Variants in PIR observed in about 807,000 individuals in gnomAD.
PIR encodes pirin.
PIR carries 22 observed loss-of-function variants against 24.2 expected under a neutral mutation model. That is an observed-to-expected ratio of 0.91 (90% CI 0.65 to 1.30). The LOEUF (loss-of-function observed/expected upper bound fraction) is 1.30, where lower values mean the gene tolerates loss of function less well. Among genes scored for constraint, PIR ranks in the 50% most tolerant of loss-of-function variants. The pLI is 0.00. For synonymous variants in PIR, 80 were observed against 79.6 expected, an observed-to-expected ratio of 1.00 and a Z score of -0.03; for missense variants, 220 against 220.3, an observed-to-expected ratio of 1.00 and a Z score of 0.01.
At chrX:15,399,598 G>A (rs930264470) in intron 7 of PIR, among the ~76,000 whole-genome samples, 2 of 112,084 alleles carry the variant, frequency 1.8e-5, no homozygotes, top group Non-Finnish European at 3.8e-5. Context: ...AATCATGAAT[G>A]TAGCCAACAA....
chrX:15,442,658 G>A (rs1925956622), intron 5 of PIR, among the ~76,000 whole-genome samples: 1 of 111,944 alleles, frequency 8.9e-6, no homozygotes, highest in Non-Finnish European at 1.9e-5. Context: ...AAGCAAAACA[G>A]CCTAATTGCT....
In PIR at chrX:15,397,427, TAAAGGA is replaced by T. The variant is rs201859319; in HGVS notation, c.693+16_693+21del. On this transcript the variant is annotated intron_variant, in intron 8 of 9. Coordinates refer to ENST00000380420, the MANE Select transcript of PIR (RefSeq NM_001018109.3). ...AGTAGAAAGTACATGTTAAGAAAGT[TAAAGGA>T]AAATAACATACTTACCTTGTTCTCC... 0.04 allele frequency: 42,625 copies of T among 1,079,097 alleles called. 755 individuals carry two copies. Among genetic ancestry groups the T allele is most frequent in the Non-Finnish European group, 0.047 (36,829 of 775,462 alleles). The allele number at this position is 1,079,097 out of a possible 1,213,427, so 88.9% of individuals were successfully genotyped here.
chrX:15,449,491 C>A (rs1390446047), intron 5 of PIR, among the ~76,000 whole-genome samples: 1 of 111,771 alleles, frequency 8.9e-6, no homozygotes, highest in Admixed American at 9.5e-5. Context: ...ATAAAAAAAT[C>A]AATGGAAATA....
Position 15,463,418 on chromosome X carries a change from T to C in PIR, c.190-3678A>G, listed in dbSNP as rs1415403671. Among the ~76,000 whole-genome samples, 6 of 112,227 alleles carry C rather than the reference T, an allele frequency of 5.3e-5. 1 individual carries two copies. Among genetic ancestry groups the C allele is most frequent in the Admixed American group, 4.7e-4 (5 of 10,539 alleles). The stretch of plus-strand genomic sequence containing the variant: ...TTGACGTTTTTATATTGCAGATTTA[T>C]AATAAACTCTCCTCTTCCTGAGCTA... On this transcript the variant is annotated intron_variant, in intron 3 of 9. Transcript: ENST00000380420.
intron 3 of PIR, among the ~76,000 whole-genome samples, chrX:15,476,052 G>A (rs1417506340): frequency 8.9e-6 from 1 of 112,040 alleles, no homozygotes; most frequent in Non-Finnish European, 1.9e-5. Context: ...GGAAGATCTA[G>A]ACCAGCATTT....
At chrX:15,440,372 T>C (rs1344150324) in intron 5 of PIR, among the ~76,000 whole-genome samples, 1 of 111,419 alleles carries the variant, frequency 9.0e-6, no homozygotes, top group East Asian at 2.8e-4. Flanking sequence ...ATATTTCACT[T>C]ATTCATTCTC....
intron 5 of PIR, among the ~76,000 whole-genome samples, chrX:15,426,321 A>G (rs1925316539): frequency 8.9e-6 from 1 of 112,065 alleles, no homozygotes; most frequent in Non-Finnish European, 1.9e-5. Flanking sequence ...TCCACTTGAT[A>G]TGGCAGGTTA....
intron 3 of PIR, among the ~76,000 whole-genome samples, chrX:15,465,352 G>A (rs1921512389): frequency 1.8e-5 from 2 of 111,750 alleles, no homozygotes; most frequent in Admixed American, 9.5e-5. Flanking sequence ...TTTTTGCTAA[G>A]TAGTGTAAAT....
intron 5 of PIR, among the ~76,000 whole-genome samples, chrX:15,434,629 T>C: frequency 9.1e-6 from 1 of 109,968 alleles, no homozygotes; most frequent in Non-Finnish European, 1.9e-5. Flanking sequence ...TCTTCAGTGA[T>C]GTGTGACTGT....
chrX:15,410,424 G>T (rs1191011886), intron 6 of PIR, among the ~76,000 whole-genome samples: 1 of 111,467 alleles, frequency 9.0e-6, no homozygotes, highest in Non-Finnish European at 1.9e-5. Context: ...TCTATTCACG[G>T]TTTAAAGGTA....
intron 3 of PIR, among the ~76,000 whole-genome samples, chrX:15,465,288 A>AG (rs2147066072): frequency 9.0e-6 from 1 of 111,064 alleles, no homozygotes; most frequent in African/African-American, 3.3e-5. Context: ...GGAAAAAAAA[A>AG]TCAGAAACCA....
intron 6 of PIR, among the ~76,000 whole-genome samples, chrX:15,418,198 G>A (rs1924989502): frequency 9.0e-6 from 1 of 111,519 alleles, no homozygotes; most frequent in Non-Finnish European, 1.9e-5. Flanking sequence ...AGAGGCAAAG[G>A]TGCTGTAAAA....
chrX:15,477,041 A>G (rs1300266149), intron 3 of PIR, among the ~76,000 whole-genome samples: 1 of 112,405 alleles, frequency 8.9e-6, no homozygotes, highest in Non-Finnish European at 1.9e-5. Flanking sequence ...AAAATATATC[A>G]AAATAAAAAC....
At chrX:15,402,482 G>A (rs1393472856) in intron 7 of PIR, among the ~76,000 whole-genome samples, 1 of 111,414 alleles carries the variant, frequency 9.0e-6, no homozygotes, top group African/African-American at 3.3e-5. Flanking sequence ...GTGGAGCATG[G>A]GGAGTATCCA....
chrX:15,410,112 G>A (rs1050963206), intron 6 of PIR, among the ~76,000 whole-genome samples: 1 of 110,081 alleles, frequency 9.1e-6, no homozygotes, highest in African/African-American at 3.3e-5. Context: ...TTAGCCAGGC[G>A]TGGTGGCACG....
At chrX:15,459,945 G>A (rs1234397236) in intron 3 of PIR, among the ~76,000 whole-genome samples, 1 of 107,782 alleles carries the variant, frequency 9.3e-6, no homozygotes, top group African/African-American at 3.4e-5. Flanking sequence ...CAAAGGACTT[G>A]AATAGACACT....
In PIR at chrX:15,491,185, G is replaced by A. The variant is rs1485928589; in HGVS notation, c.73C>T (p.Arg25Trp). Residue 25 changes from arginine (R) to tryptophan (W), a missense_variant, in exon 2 of 10, where the codon CGG becomes TGG. Arg to Trp is a moderately radical substitution (Grantham distance 101). Transcript: ENST00000380420. ...EQSEGVGARV[R>W]RSIGRPELKN... ...ACCTCGGGTCTGCCAATGCTTCTCCGGACCCTCGCTCCAACCCCTTCCGAC... is the reference window on the plus strand; with the variant it reads ...ACCTCGGGTCTGCCAATGCTTCTCCAGACCCTCGCTCCAACCCCTTCCGAC... 5.0e-6 allele frequency: 6 copies of A among 1,203,170 alleles called. No homozygotes were observed. Among genetic ancestry groups the A allele is most frequent in the Non-Finnish European group, 5.6e-6 (5 of 890,189 alleles).
chrX:15,437,672 A>T lies in PIR; in HGVS notation c.481-11682T>A, dbSNP rs148223124. On this transcript the variant is annotated intron_variant, in intron 5 of 9. Transcript: ENST00000380420. ...CTACCTACTTCATATAGACTGTGAA[A>T]CTATTCCCAACATCTGCTAGCCAGA... Among the ~76,000 whole-genome samples, 671 of 112,622 alleles carry T rather than the reference A, an allele frequency of 6.0e-3. 7 individuals are homozygous for T. The highest frequency in any genetic ancestry group is 0.021 in the African/African-American group (649 of 31,010).
At position 15,457,026 on chromosome X, in the gene PIR, G is replaced by T. The variant is rs775534853; in HGVS notation, c.274-972C>A. 1.2e-4 allele frequency among the ~76,000 whole-genome samples: 13 copies of T among 112,385 alleles called. 1 individual carries two copies. The South Asian group carries it at 4.8e-3, about 42-fold the overall frequency. ...GCAGGTTGTTTATTTGGAAAGTGAT[G>T]CAGAAAGCACAAGTGAGAGAGTAGG... On this transcript the variant is annotated intron_variant, in intron 4 of 9. Coordinates refer to ENST00000380420, the MANE Select transcript of PIR (RefSeq NM_001018109.3).
Sources: allele counts gnomAD v4.1 joint callset (sites outside exome capture counted in the v4.1 genomes callset), GRCh38; gene constraint gnomAD v4.1.1; transcripts MANE v1.5; gene names NCBI Gene and HGNC (gene_info 2026-07-23, HGNC 2026-07-21).